Variants in RUFY2 observed in about 807,000 individuals in gnomAD.
RUFY2 encodes the protein RUN and FYVE domain-containing protein 2.
A neutral mutation model predicts 94.4 loss-of-function variants in RUFY2; 49 were observed. The observed-to-expected ratio is 0.52, with a 90% CI of 0.41 to 0.66. The LOEUF is 0.66. Among genes scored for constraint, RUFY2 ranks in the 30% least tolerant of loss-of-function variants. RUFY2 has a pLI of 0.00. For missense variants in RUFY2, 541 were observed against 692.8 expected (o/e 0.78, Z 2.46); for synonymous variants, 255 against 235.7 (o/e 1.08, Z -0.75).
Position 68,376,388 on chromosome 10 carries a change from C to T in RUFY2, c.1325+465G>A, listed in dbSNP as rs2048638546. 2.2e-5 allele frequency among the ~76,000 whole-genome samples: 3 copies of T among 136,856 alleles called. No homozygotes were observed. The South Asian group carries it at 7.1e-4, about 32-fold the overall frequency. The allele number at this position is 136,856 out of a possible 152,430, so 89.8% of individuals were successfully genotyped here. On this transcript the variant is annotated intron_variant, in intron 13 of 17. Transcript: ENST00000602465. Reference sequence around the variant, plus strand: ...GTTGCAGTGAGCTGAGGTCACATGCCATTGCATTCCAGCCTGGGCAACAAG... The same window carrying T: ...GTTGCAGTGAGCTGAGGTCACATGCTATTGCATTCCAGCCTGGGCAACAAG...
downstream of RUFY2, chr10:68,341,923 T>G: frequency 6.3e-7 from 1 of 1,598,560 alleles, no homozygotes. Flanking sequence ...GTATTACTTT[T>G]ATTATTTTAT....
rs546083387 is a variant in RUFY2, at chr10:68,398,384, G to T, written c.297-1503C>A. ...AAAATAAAAGTGGCCTGGCGTGGTG[G>T]CTCACGCCTGTAATCCCAGCACTTT... On this transcript the variant is annotated intron_variant, in intron 3 of 17. Coordinates refer to ENST00000602465, the MANE Select transcript of RUFY2 (RefSeq NM_001330103.2). Among the ~76,000 whole-genome samples, 420 of 152,230 alleles carry T rather than the reference G, an allele frequency of 2.8e-3. 13 individuals carry two copies. The highest frequency in any genetic ancestry group is 0.01 in the Middle Eastern group (3 of 292).
intron 13 of RUFY2, among the ~76,000 whole-genome samples, chr10:68,371,004 C>T (rs756812340): frequency 6.6e-6 from 1 of 151,926 alleles, no homozygotes; most frequent in South Asian, 2.1e-4. Context: ...TGGTGACGGG[C>T]ACCTGTAGTC....
chr10:68,377,945 G>A, intron 12 of RUFY2: 2 of 985,302 alleles, frequency 2.0e-6, no homozygotes, highest in Non-Finnish European at 2.4e-6. Context: ...TAACATTTAA[G>A]TTATCTCCAA....
At chr10:68,407,153 G>C in intron 1 of RUFY2, 33 bp downstream of exon 1, 1 of 1,496,312 alleles carries the variant, frequency 6.7e-7, no homozygotes, top group Non-Finnish European at 8.8e-7. Flanking sequence ...GGGACTGAGG[G>C]CCTAGCGTTC....
chr10:68,363,098 A>G (rs927011532), intron 15 of RUFY2, among the ~76,000 whole-genome samples: 2 of 152,232 alleles, frequency 1.3e-5, no homozygotes, highest in African/African-American at 4.8e-5. Flanking sequence ...ATTCAAAGCT[A>G]AGTCTACTAA....
At chr10:68,349,468 C>A (rs1388081289) in intron 16 of RUFY2, among the ~76,000 whole-genome samples, 1 of 151,980 alleles carries the variant, frequency 6.6e-6, no homozygotes, top group Non-Finnish European at 1.5e-5. Flanking sequence ...TTACAGTGAG[C>A]TATGATGGAG....
intron 7 of RUFY2, among the ~76,000 whole-genome samples, chr10:68,390,716 C>A (rs2049909482): frequency 6.6e-6 from 1 of 152,022 alleles, no homozygotes; most frequent in South Asian, 2.1e-4. Flanking sequence ...CTCGCCTCAG[C>A]CTCAAAGTAG....
downstream of RUFY2, chr10:68,341,188 A>T: frequency 6.4e-7 from 1 of 1,574,052 alleles, no homozygotes; most frequent in Non-Finnish European, 8.6e-7. Flanking sequence ...TCTCACCACT[A>T]AATCCAATAC....
chr10:68,391,316 GT>G (rs879896450), intron 7 of RUFY2, among the ~76,000 whole-genome samples: 1 of 151,382 alleles, frequency 6.6e-6, no homozygotes, highest in Non-Finnish European at 1.5e-5. Context: ...AATTTTTGGG[GT>G]TTTTTTTACA....
chr10:68,365,450 C>T (rs2047736572), intron 13 of RUFY2, among the ~76,000 whole-genome samples: 1 of 152,096 alleles, frequency 6.6e-6, no homozygotes, highest in Non-Finnish European at 1.5e-5. Context: ...TTGTCCCAGC[C>T]TGAGTGTGGG....
chr10:68,396,422 A>C (rs1314386072), intron 4 of RUFY2, among the ~76,000 whole-genome samples: 1 of 152,194 alleles, frequency 6.6e-6, no homozygotes, highest in Admixed American at 6.5e-5. Flanking sequence ...TTCCAACACA[A>C]ATTTTTATCC....
At chr10:68,364,630 C>CA (rs1253476825) in intron 13 of RUFY2, among the ~76,000 whole-genome samples, 1 of 152,078 alleles carries the variant, frequency 6.6e-6, no homozygotes, top group Non-Finnish European at 1.5e-5. Flanking sequence ...GGAAGCTGAC[C>CA]AATTACAGGA....
chr10:68,406,663 AGCCCCTTCCCTGCCTCTCTTCCT>A (rs2051338163), intron 1 of RUFY2: 1 of 1,233,748 alleles, frequency 8.1e-7, no homozygotes, highest in Non-Finnish European at 1.1e-6. Context: ...CGGGGCCTAG[AGCCCCTTCCCTGCCTCTCTTCCT>A]GCCCCCTCCC....
In RUFY2 at chr10:68,404,748, C is replaced by T. The variant is rs767936506; in HGVS notation, c.101G>A (p.Arg34His). Residue 34 changes from arginine (R) to histidine (H), a missense_variant, in exon 2 of 18, where the codon CGC becomes CAC. Arg to His is a conservative substitution (Grantham distance 29). Transcript: ENST00000602465. Reference protein sequence around the residue: ...GLIESALSFGRTLDSDYPPLQ... With the variant: ...GLIESALSFGHTLDSDYPPLQ... ...GGGGGGATAGTCAGAATCCAAAGTG[C>T]GGCCAAAGCTCAGAGCAGATTCAAT... 8.7e-6 allele frequency: 14 copies of T among 1,612,772 alleles called. No individual in the cohort carries two copies. The East Asian group carries it at 1.8e-4, about 21-fold the overall frequency.
At chr10:68,375,775 CAA>C (rs879849864) in intron 13 of RUFY2, among the ~76,000 whole-genome samples, 31 of 124,722 alleles carry the variant, frequency 2.5e-4, no homozygotes, top group Admixed American at 4.1e-4. Flanking sequence ...GACTCCATCT[CAA>C]AAAAAAAAAA....
intron 13 of RUFY2, among the ~76,000 whole-genome samples, chr10:68,366,741 T>TAA (rs1363152424): frequency 3.5e-5 from 4 of 115,932 alleles, no homozygotes; most frequent in Non-Finnish European, 5.7e-5. Context: ...GACTCTAAAA[T>TAA]ATATATATAT....
At chr10:68,341,129 T>C (rs2045906300), downstream of RUFY2, 24 of 1,383,512 alleles carry the variant, frequency 1.7e-5, no homozygotes, top group Non-Finnish European at 2.4e-5. Context: ...TAATTTACTT[T>C]AATATTCTCA....
intron 7 of RUFY2, among the ~76,000 whole-genome samples, chr10:68,389,880 G>A (rs1461377651): frequency 2.0e-5 from 3 of 152,122 alleles, no homozygotes; most frequent in African/African-American, 7.2e-5. Context: ...GAAGAGATAT[G>A]AGAATAGATA....
Sources: allele counts gnomAD v4.1 joint callset (sites outside exome capture counted in the v4.1 genomes callset), GRCh38; gene constraint gnomAD v4.1.1; transcripts MANE v1.5; gene names NCBI Gene and HGNC (gene_info 2026-07-23, HGNC 2026-07-21).